WRN: variants seen among roughly 807,000 people sequenced by gnomAD.
WRN encodes bifunctional 3'-5' exonuclease/ATP-dependent helicase WRN.
WRN carries 149 observed loss-of-function variants against 180.7 expected under a neutral mutation model. That is an observed-to-expected ratio of 0.82 (90% CI 0.72 to 0.94). The LOEUF (loss-of-function observed/expected upper bound fraction) is 0.94, where lower values mean the gene tolerates loss of function less well. Ranked by LOEUF, WRN falls within the 40% of genes least tolerant of loss-of-function variation. WRN has a pLI of 0.00. For missense variants in WRN, 1,661 were observed against 1,700.1 expected, an observed-to-expected ratio of 0.98 and a Z score of 0.40; for synonymous variants, 548 against 568.9, an observed-to-expected ratio of 0.96 and a Z score of 0.52.
At chr8:31,078,164 A>G (rs898538544) in intron 8 of WRN, among the ~76,000 whole-genome samples, 4 of 152,204 alleles carry the variant, frequency 2.6e-5, no homozygotes, top group Non-Finnish European at 5.9e-5. Context: ...AGAATTATCA[A>G]TTTATATAAT....
intron 19 of WRN, among the ~76,000 whole-genome samples, chr8:31,115,166 G>A (rs180995393): frequency 1.4e-3 from 213 of 152,286 alleles, no homozygotes; most frequent in South Asian, 2.9e-3. Flanking sequence ...AAAGTGCTGG[G>A]ATTACAGGCG....
intron 21 of WRN, among the ~76,000 whole-genome samples, chr8:31,121,030 C>G (rs1026760564): frequency 1.3e-5 from 2 of 152,088 alleles, no homozygotes; most frequent in Admixed American, 1.3e-4. Flanking sequence ...TGCAGGAGAA[C>G]CTTTCTACTT....
intron 34 of WRN, among the ~76,000 whole-genome samples, chr8:31,167,953 C>G (rs1585551156): frequency 6.6e-6 from 1 of 152,056 alleles, no homozygotes; most frequent in East Asian, 1.9e-4. Flanking sequence ...AAAATTGTTT[C>G]AATTCTTAGT....
intron 18 of WRN, among the ~76,000 whole-genome samples, chr8:31,108,869 C>T (rs1439229124): frequency 6.6e-6 from 1 of 152,082 alleles, no homozygotes; most frequent in Non-Finnish European, 1.5e-5. Context: ...AAAGCTGAGC[C>T]CAAGCCTAAG....
intron 1 of WRN, among the ~76,000 whole-genome samples, chr8:31,046,937 C>A (rs1290952915): frequency 6.6e-6 from 1 of 152,150 alleles, no homozygotes; most frequent in Non-Finnish European, 1.5e-5. Context: ...GTTACATAAA[C>A]TTATCCTGTC....
chr8:31,133,273 A>G (rs969872070), intron 24 of WRN, among the ~76,000 whole-genome samples: 1 of 152,236 alleles, frequency 6.6e-6, no homozygotes, highest in Non-Finnish European at 1.5e-5. Context: ...ATACTTTGCA[A>G]ATATGCATAT....
intron 10 of WRN, 132 bp from the exon 11 acceptor site, chr8:31,085,034 A>G: frequency 1.8e-6 from 1 of 564,624 alleles, no homozygotes. Flanking sequence ...AAATATGTAA[A>G]TATATATTAT....
chr8:31,059,502 CTT>C (rs1812404474), intron 3 of WRN, among the ~76,000 whole-genome samples: 2 of 151,708 alleles, frequency 1.3e-5, no homozygotes, highest in Admixed American at 1.3e-4. Flanking sequence ...TTTTTTTTAA[CTT>C]TTTTAATATA....
At chr8:31,077,295 C>A (rs1585423034) in intron 8 of WRN, among the ~76,000 whole-genome samples, 1 of 152,098 alleles carries the variant, frequency 6.6e-6, no homozygotes, top group Non-Finnish European at 1.5e-5. Flanking sequence ...GGCTGGAGTG[C>A]AGTGACATGA....
intron 34 of WRN, among the ~76,000 whole-genome samples, chr8:31,168,841 G>C (rs1803997824): frequency 6.6e-6 from 1 of 152,144 alleles, no homozygotes; most frequent in African/African-American, 2.4e-5. Flanking sequence ...CTTTTTATTA[G>C]TTGACGTATT....
At chr8:31,141,116 G>C (rs1400907405) in intron 24 of WRN, among the ~76,000 whole-genome samples, 4 of 151,234 alleles carry the variant, frequency 2.6e-5, no homozygotes, top group Admixed American at 6.7e-5. Flanking sequence ...ACAATAATGT[G>C]AGTTTGCTAA....
intron 1 of WRN, among the ~76,000 whole-genome samples, chr8:31,048,184 C>T (rs1811941912): frequency 2.0e-5 from 3 of 152,214 alleles, no homozygotes; most frequent in African/African-American, 7.2e-5. Flanking sequence ...CATCGTCTTA[C>T]TACAGTTAAC....
At chr8:31,074,036 C>A (rs998021381) in intron 7 of WRN, among the ~76,000 whole-genome samples, 1 of 151,900 alleles carries the variant, frequency 6.6e-6, no homozygotes, top group Admixed American at 6.6e-5. Context: ...CCTGCCTCAG[C>A]CTCCGGAGTA....
chr8:31,076,608 A>G (rs1813104531), intron 8 of WRN, among the ~76,000 whole-genome samples: 1 of 152,158 alleles, frequency 6.6e-6, no homozygotes, highest in Admixed American at 6.5e-5. Flanking sequence ...CATTAAGGAA[A>G]ATATTTAAGA....
intron 23 of WRN, among the ~76,000 whole-genome samples, chr8:31,128,458 C>A (rs1336374793): frequency 1.3e-5 from 2 of 152,308 alleles, no homozygotes; most frequent in East Asian, 3.9e-4. Flanking sequence ...ACCCTAAGAT[C>A]TGGAGTGATT....
chr8:31,087,921 G>A lies in WRN; in HGVS notation c.1576+1G>A. The A allele has an allele frequency of 6.2e-6, 10 of 1,612,456 alleles. No individual in the cohort carries two copies. The highest frequency in any genetic ancestry group is 8.5e-6 in the Non-Finnish European group (10 of 1,179,162). Reference sequence around the variant, plus strand: ...GAAGGGGAAGAAGATGATGATAAGGGTAAGCACTGAAGTATGTTTGAAATG... The same window carrying A: ...GAAGGGGAAGAAGATGATGATAAGGATAAGCACTGAAGTATGTTTGAAATG... On this transcript the variant is annotated splice_donor_variant, in intron 12 of 34. Transcript: ENST00000298139. LOFTEE classifies it high-confidence loss of function.
chr8:31,141,065 G>T (rs1386784075), intron 24 of WRN, among the ~76,000 whole-genome samples: 1 of 152,096 alleles, frequency 6.6e-6, no homozygotes, highest in Non-Finnish European at 1.5e-5. Flanking sequence ...TAATTCTCAT[G>T]GTTCTAGTCT....
In WRN at chr8:31,167,098, G is replaced by A. The variant is rs1554538599; in HGVS notation, c.4059G>A (p.Glu1353=). 1 of 1,613,316 alleles carries A rather than the reference G, an allele frequency of 6.2e-7. No individual in the cohort carries two copies. The highest frequency in any genetic ancestry group is 8.5e-7 in the Non-Finnish European group (1 of 1,179,556). ...CGTACCTTATCCACATGGCAATTGA[G>A]ATCCTTAAACATGGTCCTGACAGCG... The part of the protein sequence containing the change: ...IDTYLIHMAI[E]ILKHGPDSGL... The change falls in exon 34 of 35, where the codon GAG becomes GAA. Residue 1353 remains glutamate (E), a synonymous_variant. Transcript: ENST00000298139.
intron 23 of WRN, among the ~76,000 whole-genome samples, chr8:31,130,590 G>A (rs1052056672): frequency 2.7e-5 from 4 of 146,776 alleles, no homozygotes; most frequent in Non-Finnish European, 4.5e-5. Flanking sequence ...AGTCGTTAGC[G>A]TTTAACAATT....
Sources: allele counts gnomAD v4.1 joint callset (sites outside exome capture counted in the v4.1 genomes callset), GRCh38; gene constraint gnomAD v4.1.1; transcripts MANE v1.5; gene names NCBI Gene and HGNC (gene_info 2026-07-23, HGNC 2026-07-21).